The following LATS2 variants were observed in gnomAD, a reference collection of about 807,000 sequenced individuals.
The protein encoded by LATS2 is large tumor suppressor kinase 2.
Under a neutral mutation model 76.0 loss-of-function variants are expected in LATS2, and 24 were observed. The ratio of observed to expected loss-of-function variants is 0.32; its 90% CI spans 0.23 to 0.44. LATS2 has a LOEUF of 0.44. LATS2 is among the 20% of genes least tolerant of loss of function. LATS2 has a pLI of 1.00. For synonymous variants in LATS2, 692 were observed against 635.4 expected (o/e 1.09, Z -1.34); for missense variants, 1,286 against 1,481.2 (o/e 0.87, Z 2.16).
At chr13:21,012,855 A>C (rs1452241834) in intron 2 of LATS2, among the ~76,000 whole-genome samples, 1 of 152,178 alleles carries the variant, frequency 6.6e-6, no homozygotes, top group African/African-American at 2.4e-5. Flanking sequence ...TGAGGCTAAA[A>C]TAGATTAGCT....
At chr13:21,047,091 G>A (rs1431991146) in intron 1 of LATS2, among the ~76,000 whole-genome samples, 1 of 152,038 alleles carries the variant, frequency 6.6e-6, no homozygotes, top group African/African-American at 2.4e-5. Context: ...ATGTCACAAA[G>A]GCATTTTCCA....
chr13:21,038,110 A>C (rs1037357680), intron 2 of LATS2, among the ~76,000 whole-genome samples: 8 of 152,046 alleles, frequency 5.3e-5, no homozygotes, highest in African/African-American at 1.9e-4. Flanking sequence ...TGTCTCAAAA[A>C]CCGAAACAAA....
chr13:21,052,947 G>C (rs9506600), intron 1 of LATS2, among the ~76,000 whole-genome samples: 121,701 of 151,948 alleles, frequency 0.8, 49,414 homozygotes, highest in South Asian at 0.91. Flanking sequence ...TAGAAAAACC[G>C]AACGCTGGGC....
chr13:21,008,172 C>A (rs911592654), intron 2 of LATS2, among the ~76,000 whole-genome samples: 3 of 151,448 alleles, frequency 2.0e-5, no homozygotes, highest in African/African-American at 2.4e-5. Context: ...CGCAGTGGTG[C>A]TCGCTGCTGC....
chr13:20,975,343 G>C lies in LATS2; in HGVS notation c.2794C>G (p.Leu932Val), dbSNP rs1341177779. The C allele has an allele frequency of 6.4e-7, 1 of 1,574,674 alleles. No individual in the cohort carries two copies. The highest frequency in any genetic ancestry group is 1.9e-5 in the Admixed American group (1 of 53,428). Reference sequence around the variant, plus strand: ...AGCTTCACCTGGGCTGGAATGTGGAGCGTGTTCTCCCAGTTGATCACCTGA... The same window carrying C: ...AGCTTCACCTGGGCTGGAATGTGGACCGTGTTCTCCCAGTTGATCACCTGA... ...QLKVINWENT[L>V]HIPAQVKLSP... Residue 932 changes from leucine to valine, a missense_variant, in exon 8 of 8, where the codon CTC becomes GTC. Around this residue, in one of 5 missense-constraint regions of LATS2, gnomAD observed 210 missense variants for 234.9 expected, o/e 0.89. Coordinates refer to ENST00000382592, the MANE Select transcript of LATS2 (RefSeq NM_014572.3).
chr13:20,980,309 GGCCTTCCTCAC>G (rs1220077444), intron 6 of LATS2, among the ~76,000 whole-genome samples: 1 of 152,168 alleles, frequency 6.6e-6, no homozygotes, highest in East Asian at 1.9e-4. Flanking sequence ...TACGGAGCCG[GGCCTTCCTCAC>G]GGGGCTCCCA....
chr13:21,020,374 C>T (rs1161371067), intron 2 of LATS2, among the ~76,000 whole-genome samples: 1 of 152,180 alleles, frequency 6.6e-6, no homozygotes, highest in Non-Finnish European at 1.5e-5. Flanking sequence ...TGCTTTTGCA[C>T]CAACCTAATA....
At chr13:21,009,385 A>G (rs570904107) in intron 2 of LATS2, among the ~76,000 whole-genome samples, 1 of 152,278 alleles carries the variant, frequency 6.6e-6, no homozygotes, top group African/African-American at 2.4e-5. Flanking sequence ...TGCAGAAACT[A>G]TTCCTGCAAA....
chr13:21,029,921 C>A (rs1872454612), intron 2 of LATS2, among the ~76,000 whole-genome samples: 1 of 151,862 alleles, frequency 6.6e-6, no homozygotes, highest in South Asian at 2.1e-4. Context: ...GTCAGGGGTT[C>A]AAGACCAGCC....
intron 2 of LATS2, among the ~76,000 whole-genome samples, chr13:21,003,695 G>A (rs1055688294): frequency 6.6e-6 from 1 of 151,930 alleles, no homozygotes; most frequent in Non-Finnish European, 1.5e-5. Context: ...AGCCACCTCG[G>A]CCTCCCAAAG....
At chr13:21,045,040 A>G (rs780873713) in intron 2 of LATS2, among the ~76,000 whole-genome samples, 15 of 152,110 alleles carry the variant, frequency 9.9e-5, no homozygotes, top group Non-Finnish European at 1.9e-4. Flanking sequence ...TAAGCTGTGT[A>G]TTAATGTATA....
At chr13:21,022,543 C>A (rs965060297) in intron 2 of LATS2, among the ~76,000 whole-genome samples, 3 of 152,292 alleles carry the variant, frequency 2.0e-5, no homozygotes, top group African/African-American at 7.2e-5. Flanking sequence ...GTTCTAACCA[C>A]GCAAAACACA....
At chr13:21,017,752 A>G (rs1278597062) in intron 2 of LATS2, among the ~76,000 whole-genome samples, 1 of 151,654 alleles carries the variant, frequency 6.6e-6, no homozygotes, top group Non-Finnish European at 1.5e-5. Flanking sequence ...CAGCCTCCCA[A>G]GTAGCTAGAA....
intron 2 of LATS2, among the ~76,000 whole-genome samples, chr13:21,030,226 T>C (rs1872467281): frequency 6.6e-6 from 1 of 151,922 alleles, no homozygotes; most frequent in African/African-American, 2.4e-5. Context: ...AACATGAAAT[T>C]TGGGTGGGGA....
chr13:21,033,402 TCAGA>T (rs1329501067), intron 2 of LATS2, among the ~76,000 whole-genome samples: 2 of 151,812 alleles, frequency 1.3e-5, no homozygotes, highest in Non-Finnish European at 2.9e-5. Flanking sequence ...TACTGTGACC[TCAGA>T]CAGAGAGGTA....
In LATS2 at chr13:21,046,173, T is replaced by C. The variant is rs1161293509; in HGVS notation, c.-147A>G. On this transcript the variant is annotated 5_prime_UTR_variant, in exon 2 of 8. Transcript: ENST00000382592. ...AAAATGTTCTTTCCTTCCATTTTTG[T>C]AGTTCCTATAGAGAACCTAAAATTT... 1.6e-6 allele frequency: 1 copy of C among 633,630 alleles called. No individual in the cohort carries two copies. Among genetic ancestry groups the C allele is most frequent in the Non-Finnish European group, 2.6e-6 (1 of 385,460 alleles). The allele number at this position is 633,630 out of a possible 1,614,324, so 39.3% of individuals were successfully genotyped here. A position where few individuals can be genotyped will look rare whatever the true frequency, so the allele number is the denominator to read the frequency against.
At chr13:20,982,991 T>TAAAA (rs1869962143) in intron 5 of LATS2, among the ~76,000 whole-genome samples, 1 of 19,302 alleles carries the variant, frequency 5.2e-5, no homozygotes, top group Non-Finnish European at 1.5e-4. Flanking sequence ...AAACTCTGTC[T>TAAAA]CAAAAAAAAA....
chr13:21,019,897 C>G (rs753391804), intron 2 of LATS2, among the ~76,000 whole-genome samples: 1 of 150,912 alleles, frequency 6.6e-6, no homozygotes, highest in Non-Finnish European at 1.5e-5. Context: ...TTGCTTGAAC[C>G]CAGGAGGTGG....
intron 4 of LATS2, 150 bp downstream of exon 4, chr13:20,987,731 A>G (rs1195197132): frequency 5.9e-6 from 5 of 841,032 alleles, no homozygotes; most frequent in South Asian, 3.6e-5. Context: ...AACTTCTCCA[A>G]GTTGTTGGCC....
Sources: allele counts gnomAD v4.1 joint callset (sites outside exome capture counted in the v4.1 genomes callset), GRCh38; gene constraint gnomAD v4.1.1; regional missense constraint gnomAD v4.1.1; transcripts MANE v1.5; gene names NCBI Gene and HGNC (gene_info 2026-07-23, HGNC 2026-07-21).